The following GRIK2 variants were observed in gnomAD, a reference collection of about 807,000 sequenced individuals.
GRIK2 encodes the protein glutamate ionotropic receptor kainate type subunit 2.
A neutral mutation model predicts 100.3 loss-of-function variants in GRIK2; 32 were observed. The ratio of observed to expected loss-of-function variants is 0.32; its 90% CI spans 0.24 to 0.43. The LOEUF (loss-of-function observed/expected upper bound fraction) is 0.43. GRIK2 is among the 20% of genes least tolerant of loss of function. GRIK2 has a pLI of 1.00. For synonymous variants in GRIK2, 417 were observed against 389.4 expected (o/e 1.07, Z -0.83); for missense variants, 843 against 1,114.9 (o/e 0.76, Z 3.47).
chr6:101,685,247 A>G (rs1172176405), intron 6 of GRIK2, among the ~76,000 whole-genome samples: 1 of 152,142 alleles, frequency 6.6e-6, no homozygotes, highest in Non-Finnish European at 1.5e-5. Flanking sequence ...AAAAATAAAA[A>G]CCTAAAGATT....
intron 2 of GRIK2, among the ~76,000 whole-genome samples, chr6:101,614,875 A>C (rs904420077): frequency 6.6e-6 from 1 of 151,794 alleles, no homozygotes; most frequent in African/African-American, 2.4e-5. Flanking sequence ...TGGTACATCC[A>C]TCATGGGTTT....
intron 4 of GRIK2, among the ~76,000 whole-genome samples, chr6:101,656,956 G>T (rs1378375000): frequency 6.6e-6 from 1 of 152,114 alleles, no homozygotes; most frequent in Non-Finnish European, 1.5e-5. Context: ...AGACTTCCAG[G>T]GTTTAAATCT....
chr6:101,513,369 T>C (rs1201821236), intron 2 of GRIK2, among the ~76,000 whole-genome samples: 3 of 152,282 alleles, frequency 2.0e-5, no homozygotes, highest in African/African-American at 7.2e-5. Flanking sequence ...TGAAGTCTTA[T>C]AGTGGCTGTC....
intron 7 of GRIK2, among the ~76,000 whole-genome samples, chr6:101,751,869 T>G (rs1776809956): frequency 6.6e-6 from 1 of 152,216 alleles, no homozygotes; most frequent in African/African-American, 2.4e-5. Context: ...GTTGTTAATG[T>G]TTGTGTCTCT....
intron 11 of GRIK2, among the ~76,000 whole-genome samples, chr6:101,862,386 TGA>T (rs1784780884): frequency 6.6e-6 from 1 of 152,164 alleles, no homozygotes. Context: ...CTTAAATCTT[TGA>T]GGATCTTACT....
chr6:101,858,339 A>G (rs1048169987), intron 10 of GRIK2, among the ~76,000 whole-genome samples: 10 of 149,278 alleles, frequency 6.7e-5, no homozygotes, highest in African/African-American at 2.2e-4. Flanking sequence ...ATGCATAAGC[A>G]CTTGATAAAG....
chr6:101,738,204 T>TCAAATGTCAATTGTAATTGA, intron 7 of GRIK2, among the ~76,000 whole-genome samples: 1 of 151,758 alleles, frequency 6.6e-6, no homozygotes, highest in Non-Finnish European at 1.5e-5. Flanking sequence ...TTGACAATTG[T>TCAAATGTCAATTGTAATTGA]CAAATGTCAA....
chr6:101,450,475 C>T (rs1410064112), intron 2 of GRIK2, among the ~76,000 whole-genome samples: 1 of 151,534 alleles, frequency 6.6e-6, no homozygotes, highest in African/African-American at 2.4e-5. Context: ...GTCTCAAGAC[C>T]TCCTCAAGGA....
intron 10 of GRIK2, among the ~76,000 whole-genome samples, chr6:101,857,147 G>A (rs944510242): frequency 6.6e-6 from 1 of 152,166 alleles, no homozygotes; most frequent in Admixed American, 6.5e-5. Flanking sequence ...CAGCAATGAG[G>A]GGCAGGGAAA....
chr6:101,799,740 T>C lies in GRIK2; in HGVS notation c.1044T>C (p.Asn348=), dbSNP rs752253257. 1.2e-6 allele frequency: 2 copies of C among 1,613,664 alleles called. No individual in the cohort carries two copies. The highest frequency in any genetic ancestry group is 4.5e-5 in the East Asian group (2 of 44,856). Residue 348 remains asparagine (N), a synonymous_variant, in exon 8 of 17, where the codon AAT becomes AAC. Transcript: ENST00000369134. ...TGACAGTCAGTTCCTTGCAGTGTAA[T>C]CGACATAAACCCTGGCGCTTCGGGA... ...PQMTVSSLQC[N]RHKPWRFGTR...
rs138458791 is a variant in GRIK2, at chr6:101,870,746, T to A, written c.1524+11253T>A. On this transcript the variant is annotated intron_variant, in intron 11 of 16. Transcript: ENST00000369134. Reference sequence around the variant, plus strand: ...AAAAATTGGGTAAAGTTGGTAAACTTATTAACAGAGTTTTGAAGTAGAGCA... The same window carrying A: ...AAAAATTGGGTAAAGTTGGTAAACTAATTAACAGAGTTTTGAAGTAGAGCA... 4.8e-4 allele frequency among the ~76,000 whole-genome samples: 73 copies of A among 151,940 alleles called. 1 individual carries two copies. In the East Asian group the frequency reaches 0.014, roughly 28 times the overall value.
At chr6:101,549,515 C>T (rs1488709873) in intron 2 of GRIK2, among the ~76,000 whole-genome samples, 1 of 152,006 alleles carries the variant, frequency 6.6e-6, no homozygotes. Context: ...TGACCTTACT[C>T]ACCTTCCCAA....
intron 2 of GRIK2, among the ~76,000 whole-genome samples, chr6:101,579,682 C>T (rs1053344637): frequency 1.3e-5 from 2 of 151,924 alleles, no homozygotes; most frequent in Non-Finnish European, 2.9e-5. Context: ...GAAACCCCAT[C>T]TCTACTAAAA....
At position 101,788,205 on chromosome 6, in the gene GRIK2, C is replaced by G. The variant is rs566838917; in HGVS notation, c.952-11443C>G. Among the ~76,000 whole-genome samples, 338 of 150,270 alleles carry G rather than the reference C, an allele frequency of 2.2e-3. 3 individuals carry two copies. Among genetic ancestry groups the G allele is most frequent in the African/African-American group, 7.7e-3 (315 of 40,960 alleles). ...GTGTCTTTACGAGTGAGATGAATTT[C>G]TTTCTTTTTTTTTATTATTATACTT... On this transcript the variant is annotated intron_variant, in intron 7 of 16. Transcript: ENST00000369134.
At chr6:101,419,551 C>G (rs1776316189) in intron 2 of GRIK2, among the ~76,000 whole-genome samples, 1 of 152,174 alleles carries the variant, frequency 6.6e-6, no homozygotes, top group Non-Finnish European at 1.5e-5. Flanking sequence ...GAGACTGTCT[C>G]TCTACACAAG....
At chr6:101,826,220 G>T (rs186564967) in intron 10 of GRIK2, among the ~76,000 whole-genome samples, 2 of 152,122 alleles carry the variant, frequency 1.3e-5, no homozygotes, top group African/African-American at 4.8e-5. Context: ...GATATGATTT[G>T]TTCATGGGTA....
At chr6:101,529,315 G>A (rs1238006925) in intron 2 of GRIK2, among the ~76,000 whole-genome samples, 6 of 152,018 alleles carry the variant, frequency 3.9e-5, no homozygotes, top group Non-Finnish European at 8.8e-5. Context: ...ATAGCTAAAT[G>A]AATGTATTCT....
At chr6:101,759,512 G>A (rs1014371430) in intron 7 of GRIK2, among the ~76,000 whole-genome samples, 3 of 152,092 alleles carry the variant, frequency 2.0e-5, no homozygotes, top group African/African-American at 7.2e-5. Flanking sequence ...AGAAAGTAGG[G>A]CAGATATTAT....
intron 2 of GRIK2, among the ~76,000 whole-genome samples, chr6:101,559,404 T>A (rs564192333): frequency 1.3e-5 from 2 of 152,214 alleles, no homozygotes; most frequent in South Asian, 4.1e-4. Flanking sequence ...ATTCCCCACA[T>A]AAGTATTCCT....
Sources: allele counts gnomAD v4.1 joint callset (sites outside exome capture counted in the v4.1 genomes callset), GRCh38; gene constraint gnomAD v4.1.1; transcripts MANE v1.5; gene names NCBI Gene and HGNC (gene_info 2026-07-23, HGNC 2026-07-21).